The following PID1 variants were observed in gnomAD, a reference collection of about 807,000 sequenced individuals.
PID1 encodes the protein PTB-containing, cubilin and LRP1-interacting protein.
PID1 carries 10 observed loss-of-function variants against 19.1 expected under a neutral mutation model. The observed-to-expected ratio is 0.52, with a 90% CI of 0.32 to 0.89. PID1 has a LOEUF of 0.89. Ranked by LOEUF, PID1 falls within the 40% of genes least tolerant of loss-of-function variation. The probability of loss-of-function intolerance (pLI) is 0.03; values close to 1 mark genes in which losing one functional copy is unlikely to be tolerated. For missense variants in PID1, 248 were observed against 285.3 expected (o/e 0.87, Z 0.94); for synonymous variants, 130 against 116.0 (o/e 1.12, Z -0.78).
In PID1 at chr2:229,250,459, C is replaced by T. The variant is rs749020477; in HGVS notation, c.30+20555G>A. ...GACTGTGTTGCTTTCAGCATTATTG[C>T]ACCAAACCACAGGAAAAAAGCACAA... On this transcript the variant is annotated intron_variant, in intron 1 of 2. Coordinates refer to ENST00000392055, the MANE Select transcript of PID1 (RefSeq NM_001100818.2). Among the ~76,000 whole-genome samples, 19 of 152,290 alleles carry T rather than the reference C, an allele frequency of 1.2e-4. No homozygotes were observed. In the Middle Eastern group the frequency reaches 0.014, roughly 109 times the overall value.
chr2:229,200,036 G>T (rs1485018068), intron 1 of PID1, among the ~76,000 whole-genome samples: 2 of 151,762 alleles, frequency 1.3e-5, no homozygotes, highest in Non-Finnish European at 2.9e-5. Context: ...TCTTCTCCTT[G>T]TTCTGAAAGA....
chr2:229,236,659 T>C (rs1317955551), intron 1 of PID1: 2 of 151,996 alleles, frequency 1.3e-5, no homozygotes, highest in African/African-American at 4.8e-5. Flanking sequence ...TAAGAAAGCA[T>C]GCAAAGGTGG....
At chr2:229,029,143 G>A (rs1362135334) in intron 2 of PID1, among the ~76,000 whole-genome samples, 1 of 151,710 alleles carries the variant, frequency 6.6e-6, no homozygotes. Flanking sequence ...CCTGGGCAAC[G>A]GGACCATTAA....
intron 2 of PID1, among the ~76,000 whole-genome samples, chr2:229,037,301 C>T (rs960573309): frequency 1.3e-5 from 2 of 151,990 alleles, no homozygotes; most frequent in African/African-American, 4.8e-5. Context: ...TACCAAGACC[C>T]AATATCAAGG....
At chr2:229,163,290 C>T (rs998727551) in intron 1 of PID1, among the ~76,000 whole-genome samples, 5 of 152,122 alleles carry the variant, frequency 3.3e-5, no homozygotes, top group Non-Finnish European at 7.4e-5. Context: ...GAAAAACCTA[C>T]ACCAATTTGG....
At chr2:229,141,220 A>G (rs530441974) in intron 2 of PID1, among the ~76,000 whole-genome samples, 20 of 151,826 alleles carry the variant, frequency 1.3e-4, no homozygotes, top group African/African-American at 4.6e-4. Flanking sequence ...ACTAAGGTCC[A>G]TTTCTCCTAT....
At chr2:229,258,576 T>C (rs1042274344) in intron 1 of PID1, among the ~76,000 whole-genome samples, 1 of 152,214 alleles carries the variant, frequency 6.6e-6, no homozygotes, top group African/African-American at 2.4e-5. Context: ...TGTATAGATA[T>C]AGTTGACAGA....
At chr2:229,182,670 C>T (rs910086240) in intron 1 of PID1, among the ~76,000 whole-genome samples, 7 of 152,192 alleles carry the variant, frequency 4.6e-5, no homozygotes, top group Non-Finnish European at 1.0e-4. Flanking sequence ...AGCTTAATTT[C>T]CAAGGTCAAT....
At chr2:229,110,817 T>C (rs528688854) in intron 2 of PID1, among the ~76,000 whole-genome samples, 2 of 152,144 alleles carry the variant, frequency 1.3e-5, no homozygotes, top group Non-Finnish European at 2.9e-5. Flanking sequence ...CATCTTCCTC[T>C]TCTGCACGTC....
At chr2:229,202,808 G>T (rs1691527118) in intron 1 of PID1, among the ~76,000 whole-genome samples, 1 of 152,044 alleles carries the variant, frequency 6.6e-6, no homozygotes, top group African/African-American at 2.4e-5. Context: ...TCATCACACT[G>T]TCTGTGAATT....
Position 229,025,349 on chromosome 2 carries a change from C to G in PID1, c.*283G>C, listed in dbSNP as rs1693389271. ...GGTGAAAACTGGCATGGAGCTCTCC[C>G]ACAGAGAGGCATTGGGAAATGAGAA... On this transcript the variant is annotated 3_prime_UTR_variant, in exon 3 of 3. Transcript: ENST00000392055. 3 of 397,320 alleles carry G rather than the reference C, an allele frequency of 7.6e-6. 1 individual carries two copies. The South Asian group carries it at 8.2e-5, about 11-fold the overall frequency. The allele number at this position is 397,320 out of a possible 1,614,324, so 24.6% of individuals were successfully genotyped here. A position where few individuals can be genotyped will look rare whatever the true frequency, so the allele number is the denominator to read the frequency against.
At chr2:229,073,267 C>T (rs551222519) in intron 2 of PID1, among the ~76,000 whole-genome samples, 44 of 152,242 alleles carry the variant, frequency 2.9e-4, no homozygotes, top group African/African-American at 8.4e-4. Context: ...CCTCGTGATC[C>T]GCCTGACTCG....
chr2:229,258,229 A>G (rs896265874), intron 1 of PID1, among the ~76,000 whole-genome samples: 4 of 152,226 alleles, frequency 2.6e-5, no homozygotes, highest in Non-Finnish European at 5.9e-5. Flanking sequence ...ATCCAGAATG[A>G]GGAAGAATCA....
chr2:229,260,671 T>C (rs2106291337), intron 1 of PID1, among the ~76,000 whole-genome samples: 1 of 151,944 alleles, frequency 6.6e-6, no homozygotes, highest in South Asian at 2.1e-4. Context: ...AATTGGGAAT[T>C]GGAAAAGGCA....
intron 2 of PID1, among the ~76,000 whole-genome samples, chr2:229,097,767 T>C (rs1694999378): frequency 6.6e-6 from 1 of 152,104 alleles, no homozygotes; most frequent in East Asian, 1.9e-4. Flanking sequence ...CTGAAAGTTT[T>C]CCTCCTATTT....
At chr2:229,171,674 G>C (rs1690714337) in intron 1 of PID1, among the ~76,000 whole-genome samples, 1 of 152,198 alleles carries the variant, frequency 6.6e-6, no homozygotes, top group Admixed American at 6.5e-5. Context: ...GAAATGTCTG[G>C]CACATAGTAG....
At chr2:229,110,855 T>G (rs567782520) in intron 2 of PID1, among the ~76,000 whole-genome samples, 10 of 152,182 alleles carry the variant, frequency 6.6e-5, no homozygotes, top group Admixed American at 3.3e-4. Flanking sequence ...CTCACTCACG[T>G]AGGGCAGATA....
chr2:229,086,502 A>T (rs1694768991), intron 2 of PID1, among the ~76,000 whole-genome samples: 1 of 152,208 alleles, frequency 6.6e-6, no homozygotes, highest in African/African-American at 2.4e-5. Flanking sequence ...AAAGTCAAAA[A>T]ATCATAAGTC....
intron 1 of PID1, among the ~76,000 whole-genome samples, chr2:229,221,432 T>G (rs1194372305): frequency 1.3e-5 from 2 of 152,200 alleles, no homozygotes; most frequent in African/African-American, 4.8e-5. Flanking sequence ...CTAAAGACTT[T>G]AGCCTTCTAA....
Sources: gnomAD v4.1 joint callset for allele counts (sites outside exome capture counted in the v4.1 genomes callset) on GRCh38, gnomAD v4.1.1 for gene constraint, MANE v1.5 for transcripts, NCBI Gene and HGNC (gene_info 2026-07-23, HGNC 2026-07-21) for gene names.